Variants in TTC6 observed in about 807,000 individuals in gnomAD.
TTC6 encodes tetratricopeptide repeat protein 6.
A neutral mutation model predicts 210.4 loss-of-function variants in TTC6; 172 were observed. The ratio of observed to expected loss-of-function variants is 0.82; its 90% CI spans 0.72 to 0.93. The LOEUF (loss-of-function observed/expected upper bound fraction) is 0.93, where lower values mean the gene tolerates loss of function less well. Ranked by LOEUF, TTC6 falls within the 40% of genes least tolerant of loss-of-function variation. TTC6 has a pLI of 0.00. For synonymous variants in TTC6, 804 were observed against 819.6 expected (o/e 0.98, Z 0.32); for missense variants, 2,414 against 2,318.1 (o/e 1.04, Z -0.85).
At chr14:37,692,208 C>CA (rs3062759) in intron 3 of TTC6, among the ~76,000 whole-genome samples, 720 of 40,146 alleles carry the variant, frequency 0.018, 46 homozygotes, top group African/African-American at 0.073. Flanking sequence ...AAAGACACAC[C>CA]AAAAAAAAAA....
Position 37,731,284 on chromosome 14 carries a change from C to G in TTC6, c.1819-4637C>G, listed in dbSNP as rs186225821. Among the ~76,000 whole-genome samples the G allele has an allele frequency of 3.3e-3, 510 of 152,296 alleles. 1 individual carries two copies. Among genetic ancestry groups the G allele is most frequent in the Non-Finnish European group, 6.0e-3 (409 of 68,032 alleles). On this transcript the variant is annotated intron_variant, in intron 7 of 30. Coordinates refer to ENST00000553443, the Ensembl canonical transcript of TTC6. ...CACTATAACTCATGCCTGAAAGAAG[C>G]TATGTAACACATTTGTTTTCTCTGT...
chr14:37,606,702 C>T (rs974953768), exon 2 of TTC6: 1 of 984,944 alleles, frequency 1.0e-6, no homozygotes, highest in Non-Finnish European at 1.2e-6. Context: ...TCTGTGGGGC[C>T]CTGAGTGATG....
At chr14:37,704,843 A>AAATT (rs1418290091) in intron 5 of TTC6, among the ~76,000 whole-genome samples, 2 of 152,096 alleles carry the variant, frequency 1.3e-5, no homozygotes, top group African/African-American at 4.8e-5. Flanking sequence ...CCTTTGGAAA[A>AAATT]AATTAAATAT....
At chr14:37,779,111 G>A (rs1024863552) in intron 14 of TTC6, among the ~76,000 whole-genome samples, 3 of 152,192 alleles carry the variant, frequency 2.0e-5, no homozygotes, top group African/African-American at 7.2e-5. Context: ...AGTCTGTGGT[G>A]AGAGCAGGTT....
At chr14:37,679,363 A>T (rs1199521912) in intron 1 of TTC6, among the ~76,000 whole-genome samples, 1 of 152,150 alleles carries the variant, frequency 6.6e-6, no homozygotes, top group Non-Finnish European at 1.5e-5. Context: ...TTATTCCTAC[A>T]TCATTGTTAG....
At chr14:37,686,624 G>T (rs576500450) in intron 3 of TTC6, among the ~76,000 whole-genome samples, 1 of 152,306 alleles carries the variant, frequency 6.6e-6, no homozygotes, top group African/African-American at 2.4e-5. Context: ...CCACATGGCT[G>T]GGGAGACCTC....
At chr14:37,687,421 T>C (rs750954045) in intron 3 of TTC6, among the ~76,000 whole-genome samples, 2 of 152,062 alleles carry the variant, frequency 1.3e-5, no homozygotes, top group Non-Finnish European at 2.9e-5. Context: ...TACTGCAACA[T>C]GTAGGTAAGT....
intron 14 of TTC6, among the ~76,000 whole-genome samples, chr14:37,772,070 G>A (rs182271282): frequency 1.3e-5 from 2 of 152,278 alleles, no homozygotes; most frequent in Admixed American, 1.3e-4. Context: ...GCCGTGTGAG[G>A]TGTCAGTGTG....
At chr14:37,744,137 A>C (rs1409609516) in intron 10 of TTC6, among the ~76,000 whole-genome samples, 1 of 152,212 alleles carries the variant, frequency 6.6e-6, no homozygotes, top group Non-Finnish European at 1.5e-5. Context: ...CATGGCACAT[A>C]GTAGGAATTC....
At chr14:37,669,578 G>A (rs140641399) in intron 1 of TTC6, among the ~76,000 whole-genome samples, 24 of 152,044 alleles carry the variant, frequency 1.6e-4, no homozygotes, top group Non-Finnish European at 1.9e-4. Flanking sequence ...ATGTATTATT[G>A]TTATTTATCT....
intron 7 of TTC6, among the ~76,000 whole-genome samples, chr14:37,729,510 G>A (rs1359157372): frequency 1.3e-5 from 2 of 152,202 alleles, no homozygotes; most frequent in Non-Finnish European, 2.9e-5. Flanking sequence ...TGAGCACAAG[G>A]TGGTTGCTAG....
intron 14 of TTC6, among the ~76,000 whole-genome samples, chr14:37,756,832 A>G (rs917011771): frequency 2.6e-5 from 4 of 152,034 alleles, no homozygotes; most frequent in Non-Finnish European, 1.5e-5. Flanking sequence ...TGTCTCTACC[A>G]GGTTTTGGTA....
At chr14:37,760,901 G>C (rs969197526) in intron 14 of TTC6, among the ~76,000 whole-genome samples, 3 of 152,166 alleles carry the variant, frequency 2.0e-5, no homozygotes, top group Admixed American at 6.5e-5. Context: ...ACTTCAGACT[G>C]TTGCCCTGGC....
Position 37,739,250 on chromosome 14 carries a change from T to C in TTC6, c.2363+95T>C, listed in dbSNP as rs998194068. The stretch of plus-strand genomic sequence containing the variant: ...ACCCCATGAAGTTATTATTTTATTC[T>C]GCACTGAACATATGAACCTTTCACT... On this transcript the variant is annotated intron_variant, in intron 10 of 30. Coordinates refer to ENST00000553443, the Ensembl canonical transcript of TTC6. 14 of 1,228,008 alleles carry C rather than the reference T, an allele frequency of 1.1e-5. No homozygotes were observed. In the Admixed American group the frequency reaches 3.6e-4, roughly 31 times the overall value. 76.1% of individuals were successfully genotyped at this position (1,228,008 alleles called of 1,614,324 possible). A position where few individuals can be genotyped will look rare whatever the true frequency, so the allele number is the denominator to read the frequency against.
At chr14:37,750,443 C>T (rs1031408884) in intron 12 of TTC6, among the ~76,000 whole-genome samples, 1 of 152,108 alleles carries the variant, frequency 6.6e-6, no homozygotes, top group African/African-American at 2.4e-5. Context: ...TAACCTTTTA[C>T]TATGATGATT....
At chr14:37,669,340 A>G (rs1297388282) in intron 1 of TTC6, among the ~76,000 whole-genome samples, 1 of 152,204 alleles carries the variant, frequency 6.6e-6, no homozygotes, top group East Asian at 1.9e-4. Context: ...GTTTGAGTAC[A>G]GTAAGTGGCA....
chr14:37,809,918 C>T (rs1447036535), intron 24 of TTC6, among the ~76,000 whole-genome samples: 1 of 152,174 alleles, frequency 6.6e-6, no homozygotes, highest in Non-Finnish European at 1.5e-5. Context: ...TCTCCTTATT[C>T]CTGCCCATGT....
chr14:37,820,294 T>C (rs941170189), intron 26 of TTC6, among the ~76,000 whole-genome samples: 4 of 152,230 alleles, frequency 2.6e-5, no homozygotes, highest in African/African-American at 4.8e-5. Flanking sequence ...AGGAGCTTGC[T>C]AGCTGTCTTT....
chr14:37,640,366 C>A (rs949452845), intron 1 of TTC6, among the ~76,000 whole-genome samples: 1 of 152,048 alleles, frequency 6.6e-6, no homozygotes, highest in African/African-American at 2.4e-5. Context: ...TTAAGATCTG[C>A]AGATGAGATA....
Sources: gnomAD v4.1 joint callset for allele counts (sites outside exome capture counted in the v4.1 genomes callset) on GRCh38, gnomAD v4.1.1 for gene constraint, MANE v1.5 for transcripts, NCBI Gene and HGNC (gene_info 2026-07-23, HGNC 2026-07-21) for gene names.